The following PHF20 variants were observed in gnomAD, a reference collection of about 807,000 sequenced individuals.
The protein encoded by PHF20 is PHD finger protein 20.
PHF20 carries 23 observed loss-of-function variants against 113.5 expected under a neutral mutation model. The observed-to-expected ratio is 0.20, with a 90% CI of 0.15 to 0.29. The LOEUF is 0.29. Ranked by LOEUF, PHF20 falls within the 10% of genes least tolerant of loss-of-function variation. The probability of loss-of-function intolerance (pLI) is 1.00; values close to 1 mark genes in which losing one functional copy is unlikely to be tolerated. For synonymous variants in PHF20, 434 were observed against 457.3 expected (o/e 0.95, Z 0.65); for missense variants, 943 against 1,219.6 (o/e 0.77, Z 3.38).
chr20:35,844,543 C>CCACACACACACA (rs61622083), intron 3 of PHF20, among the ~76,000 whole-genome samples: 11 of 117,710 alleles, frequency 9.3e-5, no homozygotes, highest in East Asian at 2.5e-4. Flanking sequence ...TTCACCATCA[C>CCACACACACACA]CACACACACA....
chr20:35,780,348 C>CTGGA (rs2041265627), intron 1 of PHF20, among the ~76,000 whole-genome samples: 1 of 150,466 alleles, frequency 6.6e-6, no homozygotes, highest in Non-Finnish European at 1.5e-5. Context: ...GCCTCAGCCT[C>CTGGA]CTGAGTAGCT....
chr20:35,914,206 G>C lies in PHF20; in HGVS notation c.1825+9G>C. The C allele has an allele frequency of 6.2e-7, 1 of 1,613,854 alleles. No homozygotes were observed. The highest frequency in any genetic ancestry group is 8.5e-7 in the Non-Finnish European group (1 of 1,179,792). On this transcript the variant is annotated intron_variant, in intron 12 of 17. Coordinates refer to ENST00000374012, the MANE Select transcript of PHF20 (RefSeq NM_016436.5). The stretch of plus-strand genomic sequence containing the variant: ...GAAAGTGAAAGCATTGGGTAAGGAG[G>C]CTCTTCTGTCCTGATCATTTGCTGA...
At chr20:35,774,880 C>A (rs1489153796) in intron 1 of PHF20, 1 of 152,190 alleles carries the variant, frequency 6.6e-6, no homozygotes, top group Non-Finnish European at 1.5e-5. Context: ...GTTTTCAGAA[C>A]AACTAAGCTG....
chr20:35,812,709 A>G (rs553600632), intron 2 of PHF20, among the ~76,000 whole-genome samples: 8 of 152,062 alleles, frequency 5.3e-5, no homozygotes, highest in Non-Finnish European at 1.2e-4. Context: ...TCCGTGTATC[A>G]CTTGGATAAG....
rs2041827136 is a variant in PHF20 at position 35,803,681 on chromosome 20, T to C, written c.83+2076T>C. Among the ~76,000 whole-genome samples, 3 of 131,178 alleles carry C rather than the reference T, an allele frequency of 2.3e-5. No individual in the cohort carries two copies. The South Asian group carries it at 7.3e-4, about 32-fold the overall frequency. 86.1% of individuals were successfully genotyped at this position (131,178 alleles called of 152,430 possible). ...GTTCCTTTTTTGGTTTCAGTATATA[T>C]ATATGTGTGTGTGTGTGTGTGTGTA... is the stretch of plus-strand genomic sequence containing the variant. On this transcript the variant is annotated intron_variant, in intron 2 of 17. Transcript: ENST00000374012.
In PHF20 at chr20:35,814,192, A is replaced by G. The variant is rs78816152; in HGVS notation, c.83+12587A>G. Among the ~76,000 whole-genome samples, 1,465 of 152,030 alleles carry G rather than the reference A, an allele frequency of 9.6e-3. 15 individuals are homozygous for G. Among genetic ancestry groups the G allele is most frequent in the East Asian group, 0.04 (204 of 5,152 alleles). On this transcript the variant is annotated intron_variant, in intron 2 of 17. Transcript: ENST00000374012. ...GGGTAAGAAATCTATTTTTTGAAAA[A>G]ATGTGAGTTCACTTTGATACTTCCA...
chr20:35,919,152 G>T (rs1261824235), intron 13 of PHF20, among the ~76,000 whole-genome samples: 1 of 151,830 alleles, frequency 6.6e-6, no homozygotes, highest in Non-Finnish European at 1.5e-5. Flanking sequence ...GAGTAGCTGG[G>T]ATTACAGGCA....
At position 35,826,377 on chromosome 20, in the gene PHF20, G is replaced by C. The variant is rs79022105; in HGVS notation, c.84-16196G>C. ...CATTTAAAGTGAGACCCATCAGCAT[G>C]TTGAGTGTTTTCTCTAGCCACATTT... On this transcript the variant is annotated intron_variant, in intron 2 of 17. Coordinates refer to ENST00000374012, the MANE Select transcript of PHF20 (RefSeq NM_016436.5). 7.7e-4 allele frequency among the ~76,000 whole-genome samples: 118 copies of C among 152,270 alleles called. 1 individual carries two copies. The East Asian group carries it at 0.022, about 29-fold the overall frequency.
chr20:35,895,727 C>T (rs1002473185), intron 9 of PHF20, among the ~76,000 whole-genome samples: 2 of 135,792 alleles, frequency 1.5e-5, no homozygotes, highest in Non-Finnish European at 3.0e-5. Flanking sequence ...ACTCTTATTG[C>T]CCAAGCCAGA....
Position 35,899,654 on chromosome 20 carries a change from T to C in PHF20, c.1561+6T>C. 6.2e-7 allele frequency: 1 copy of C among 1,613,200 alleles called. No homozygotes were observed. Among genetic ancestry groups the C allele is most frequent in the Non-Finnish European group, 8.5e-7 (1 of 1,179,596 alleles). Reference sequence around the variant, plus strand: ...GGTCTCTGCCAGTTCCCCAAGTAAGTATCTTCATTCTTCATTGTGTCATGG... The same window carrying C: ...GGTCTCTGCCAGTTCCCCAAGTAAGCATCTTCATTCTTCATTGTGTCATGG... On this transcript the variant is annotated splice_donor_region_variant and intron_variant, in intron 10 of 17. Coordinates refer to ENST00000374012, the MANE Select transcript of PHF20 (RefSeq NM_016436.5).
chr20:35,837,663 T>A (rs1465695920), intron 2 of PHF20, among the ~76,000 whole-genome samples: 1 of 152,260 alleles, frequency 6.6e-6, no homozygotes. Flanking sequence ...TTTTAAAGCC[T>A]AATCCATTTA....
At chr20:35,834,035 G>A (rs1229704389) in intron 2 of PHF20, among the ~76,000 whole-genome samples, 1 of 151,976 alleles carries the variant, frequency 6.6e-6, no homozygotes, top group East Asian at 1.9e-4. Context: ...TCCAGCCTGG[G>A]CGACAGAGTG....
At chr20:35,915,027 T>C (rs2055376729) in intron 12 of PHF20, among the ~76,000 whole-genome samples, 1 of 145,976 alleles carries the variant, frequency 6.9e-6, no homozygotes, top group South Asian at 2.1e-4. Flanking sequence ...TATGTATATA[T>C]GTAAAAAAAA....
At chr20:35,864,326 C>T (rs765035442) in intron 6 of PHF20, among the ~76,000 whole-genome samples, 18 of 151,854 alleles carry the variant, frequency 1.2e-4, no homozygotes, top group Non-Finnish European at 2.2e-4. Context: ...GTCCCAGCTA[C>T]TCAGGAGGCT....
chr20:35,916,906 C>T (rs977820676), intron 12 of PHF20, among the ~76,000 whole-genome samples: 2 of 152,162 alleles, frequency 1.3e-5, no homozygotes, highest in East Asian at 1.9e-4. Context: ...GGACTGTAGA[C>T]GTGCATCACC....
chr20:35,823,140 CA>C (rs1251461186), intron 2 of PHF20, among the ~76,000 whole-genome samples: 3 of 151,868 alleles, frequency 2.0e-5, no homozygotes, highest in African/African-American at 7.3e-5. Flanking sequence ...ATAAAAGTTA[CA>C]AAAGTACAAA....
chr20:35,912,284 G>A (rs1197164427), intron 10 of PHF20, among the ~76,000 whole-genome samples: 1 of 152,006 alleles, frequency 6.6e-6, no homozygotes, highest in Non-Finnish European at 1.5e-5. Context: ...AGCAATGACT[G>A]GATTTTTCAA....
chr20:35,917,920 G>A (rs1336958104), intron 13 of PHF20, among the ~76,000 whole-genome samples: 4 of 152,096 alleles, frequency 2.6e-5, no homozygotes, highest in South Asian at 4.1e-4. Flanking sequence ...GCTGGGACCC[G>A]CAAATGGGAA....
intron 9 of PHF20, among the ~76,000 whole-genome samples, chr20:35,893,192 G>A (rs1317301785): frequency 6.6e-6 from 1 of 152,208 alleles, no homozygotes; most frequent in Admixed American, 6.5e-5. Flanking sequence ...TGCTTTTGCA[G>A]GGGGAATTTT....
Sources: allele counts gnomAD v4.1 joint callset (sites outside exome capture counted in the v4.1 genomes callset), GRCh38; gene constraint gnomAD v4.1.1; transcripts MANE v1.5; gene names NCBI Gene and HGNC (gene_info 2026-07-23, HGNC 2026-07-21).